The following ABCC1 variants were observed in gnomAD, a reference collection of about 807,000 sequenced individuals.
ABCC1 encodes multidrug resistance-associated protein 1.
Under a neutral mutation model 172.9 loss-of-function variants are expected in ABCC1, and 83 were observed. The ratio of observed to expected loss-of-function variants is 0.48; its 90% CI spans 0.40 to 0.58. The LOEUF is 0.58. Ranked by LOEUF, ABCC1 falls within the 20% of genes least tolerant of loss-of-function variation. The pLI is 0.00. For synonymous variants in ABCC1, 937 were observed against 825.2 expected, an observed-to-expected ratio of 1.14 and a Z score of -2.32; for missense variants, 1,817 against 2,002.7, an observed-to-expected ratio of 0.91 and a Z score of 1.77.
chr16:16,107,005 T>G, intron 21 of ABCC1, 132 bp downstream of exon 21: 1 of 1,310,716 alleles, frequency 7.6e-7, no homozygotes, highest in South Asian at 1.4e-5. Flanking sequence ...AAGATACTAT[T>G]TGCAGCACCA....
chr16:16,042,855 CAATTT>C (rs2049030538), intron 7 of ABCC1, among the ~76,000 whole-genome samples: 1 of 152,074 alleles, frequency 6.6e-6, no homozygotes. Flanking sequence ...TCATCACAGT[CAATTT>C]TATTTATTTG....
chr16:15,990,346 C>T (rs2046830961), intron 1 of ABCC1, among the ~76,000 whole-genome samples: 1 of 152,202 alleles, frequency 6.6e-6, no homozygotes, highest in South Asian at 2.1e-4. Flanking sequence ...CACACCCGGC[C>T]ATCAGCAAAT....
chr16:16,033,334 C>T (rs1040897522), intron 6 of ABCC1, among the ~76,000 whole-genome samples, 164 bp downstream of exon 6: 3 of 152,178 alleles, frequency 2.0e-5, no homozygotes, highest in African/African-American at 7.2e-5. Flanking sequence ...CTCAGAGACA[C>T]CAACTCTGTC....
chr16:16,018,513 C>T (rs1030568102), intron 5 of ABCC1, among the ~76,000 whole-genome samples: 4 of 152,058 alleles, frequency 2.6e-5, no homozygotes, highest in African/African-American at 4.8e-5. Context: ...CACACCACTG[C>T]GCTCCAACCT....
chr16:16,114,656 T>C, intron 22 of ABCC1, 110 bp from the exon 23 acceptor site: 1 of 979,072 alleles, frequency 1.0e-6, no homozygotes, highest in Non-Finnish European at 1.5e-6. Context: ...TTATTATTAT[T>C]ATTAGAAGTT....
At chr16:16,079,222 T>TGTTTA in intron 15 of ABCC1, 130 bp from the exon 16 acceptor site, 1 of 1,348,344 alleles carries the variant, frequency 7.4e-7, no homozygotes, top group African/African-American at 1.5e-5. Flanking sequence ...AGGCCTTCAG[T>TGTTTA]GTTTAGTACA....
At chr16:16,120,705 A>T (rs1203740825) in intron 23 of ABCC1, among the ~76,000 whole-genome samples, 2 of 152,122 alleles carry the variant, frequency 1.3e-5, no homozygotes, top group Non-Finnish European at 2.9e-5. Flanking sequence ...GGGTGGAGGC[A>T]GGCGGCCTGT....
At position 16,001,823 on chromosome 16, in the gene ABCC1, G is replaced by A. The variant is rs537345970; in HGVS notation, c.49-5993G>A. On this transcript the variant is annotated intron_variant, in intron 1 of 30. Transcript: ENST00000399410. Reference sequence around the variant, plus strand: ...AGTATGAATTGATGTTCCCTATTTGGAGGGCAGTGTCTGTCTAAATGTTAC... The same window carrying A: ...AGTATGAATTGATGTTCCCTATTTGAAGGGCAGTGTCTGTCTAAATGTTAC... Among the ~76,000 whole-genome samples the A allele has an allele frequency of 3.3e-5, 5 of 152,232 alleles. No homozygotes were observed. In the East Asian group the frequency reaches 9.6e-4, roughly 29 times the overall value.
intron 23 of ABCC1, among the ~76,000 whole-genome samples, chr16:16,116,918 C>T (rs1483200603): frequency 2.6e-5 from 4 of 152,074 alleles, no homozygotes; most frequent in African/African-American, 4.8e-5. Flanking sequence ...GTACAATGGC[C>T]GTCAGTCTGA....
chr16:15,949,844 C>G, intron 1 of ABCC1, 45 bp downstream of exon 1: 1 of 1,187,984 alleles, frequency 8.4e-7, no homozygotes, highest in East Asian at 3.6e-5. Context: ...GGAGGGAGGC[C>G]GGCGGGGAGG....
intron 11 of ABCC1, 121 bp from the exon 12 acceptor site, chr16:16,055,971 A>C: frequency 1.1e-6 from 1 of 891,404 alleles, no homozygotes; most frequent in South Asian, 1.8e-5. Flanking sequence ...AAAAATCAAT[A>C]TAAAAAACAT....
At chr16:16,136,434 TGACACAGGTGTCAC>T (rs761417068) in intron 28 of ABCC1, 30 bp from the exon 29 acceptor site, 1 of 1,605,470 alleles carries the variant, frequency 6.2e-7, no homozygotes, top group Non-Finnish European at 8.5e-7. Flanking sequence ...CATGTCAGCG[TGACACAGGTGTCAC>T]ATGCCGTCCA....
intron 24 of ABCC1, among the ~76,000 whole-genome samples, chr16:16,122,711 TAAAAAAAAAAA>T (rs34383577): frequency 1.7e-5 from 2 of 116,276 alleles, no homozygotes; most frequent in Admixed American, 9.1e-5. Flanking sequence ...CCATCTCTCT[TAAAAAAAAAAA>T]AAAAAAAAAA....
At chr16:16,129,930 CT>C (rs573125024) in intron 26 of ABCC1, among the ~76,000 whole-genome samples, 32 of 152,378 alleles carry the variant, frequency 2.1e-4, no homozygotes, top group South Asian at 1.2e-3. Flanking sequence ...TGCAGTGCCC[CT>C]GAGCTTGGCC....
At position 16,007,890 on chromosome 16, in the gene ABCC1, G is replaced by T; in HGVS notation, c.123G>T (p.Val41=). Residue 41 remains valine, a synonymous_variant, in exon 2 of 31, where the codon GTG becomes GTT. Transcript: ENST00000399410. ...KCFQNTVLVW[V]PCFYLWACFP... ...TTCAGAACACGGTCCTCGTGTGGGTGCCTTGTTTTTACCTCTGGGCCTGTT... is the reference window on the plus strand; with the variant it reads ...TTCAGAACACGGTCCTCGTGTGGGTTCCTTGTTTTTACCTCTGGGCCTGTT... 6.2e-7 allele frequency: 1 copy of T among 1,613,692 alleles called. No individual in the cohort carries two copies. The highest frequency in any genetic ancestry group is 2.2e-5 in the East Asian group (1 of 44,846).
intron 23 of ABCC1, among the ~76,000 whole-genome samples, chr16:16,120,267 G>A (rs958963251): frequency 6.6e-6 from 1 of 152,118 alleles, no homozygotes; most frequent in Non-Finnish European, 1.5e-5. Context: ...CTCTCCTGTC[G>A]ATAAGCAATT....
chr16:15,963,888 T>C (rs1321324388), intron 1 of ABCC1, among the ~76,000 whole-genome samples: 3 of 152,184 alleles, frequency 2.0e-5, no homozygotes, highest in African/African-American at 4.8e-5. Context: ...GCAGCCGGCT[T>C]GAATTTCTCT....
At chr16:16,069,169 A>AAT (rs1225440369) in intron 13 of ABCC1, among the ~76,000 whole-genome samples, 2 of 107,514 alleles carry the variant, frequency 1.9e-5, no homozygotes, top group African/African-American at 8.3e-5. Flanking sequence ...AAATAAAATA[A>AAT]AAATAAATAA....
intron 1 of ABCC1, among the ~76,000 whole-genome samples, chr16:15,986,488 G>T (rs999659582): frequency 6.6e-6 from 1 of 152,194 alleles, no homozygotes; most frequent in African/African-American, 2.4e-5. Flanking sequence ...TCACAGGAGC[G>T]TGAACCCTAA....
Sources: gnomAD v4.1 joint callset for allele counts (sites outside exome capture counted in the v4.1 genomes callset) on GRCh38, gnomAD v4.1.1 for gene constraint, MANE v1.5 for transcripts, NCBI Gene and HGNC (gene_info 2026-07-23, HGNC 2026-07-21) for gene names.